The following ABCA7 variants were observed in gnomAD, a reference collection of about 807,000 sequenced individuals.
ABCA7 encodes the protein ATP binding cassette subfamily A member 7, also known as phospholipid-transporting ATPase ABCA7.
ABCA7 carries 261 observed loss-of-function variants against 227.6 expected under a neutral mutation model. The observed-to-expected ratio is 1.15, with a 90% CI of 1.04 to 1.27. The LOEUF (loss-of-function observed/expected upper bound fraction) is 1.27. Among genes scored for constraint, ABCA7 ranks in the 50% most tolerant of loss-of-function variants. The pLI, the probability that ABCA7 is intolerant of heterozygous loss-of-function variation, is 0.00. For missense variants in ABCA7, 3,331 were observed against 2,924.5 expected (o/e 1.14, Z -3.21); for synonymous variants, 1,488 against 1,279.7 (o/e 1.16, Z -3.47).
At chr19:1,064,826 A>C in intron 45 of ABCA7, 105 bp from the exon 46 acceptor site, 4 of 1,424,456 alleles carry the variant, frequency 2.8e-6, no homozygotes, top group Non-Finnish European at 3.7e-6. Context: ...TCGCTAGGGT[A>C]GTACAAGTAT....
chr19:1,045,864 G>A (rs1200125709), intron 12 of ABCA7, among the ~76,000 whole-genome samples: 1 of 152,068 alleles, frequency 6.6e-6, no homozygotes, highest in African/African-American at 2.4e-5. Context: ...AAAATTAGCC[G>A]GGCGTGGTAG....
At chr19:1,044,889 C>G in intron 11 of ABCA7, 113 bp from the exon 12 acceptor site, 1 of 1,483,128 alleles carries the variant, frequency 6.7e-7, no homozygotes, top group Non-Finnish European at 9.1e-7. Context: ...GGGAGCCGGC[C>G]GTGGGCCTAC....
Position 1,058,713 on chromosome 19 carries a change from CT to C in ABCA7, c.5246del (p.Leu1749HisfsTer15). 6.2e-7 allele frequency: 1 copy of C among 1,614,054 alleles called. No homozygotes were observed. The highest frequency in any genetic ancestry group is 8.5e-7 in the Non-Finnish European group (1 of 1,180,016). On this transcript the variant is annotated frameshift_variant, in exon 38 of 47. Coordinates refer to ENST00000263094, the MANE Select transcript of ABCA7 (RefSeq NM_019112.4). LOFTEE classifies it high-confidence loss of function. ...IQGPLFLLFT[L>X]LLQHRSQLLP... is the part of the protein sequence containing the mutation. ...GGGGCCCCTCTTCCTTCTCTTCACA[CT>C]ACTGCTGCAGCACCGAAGCCAACTC...
At chr19:1,050,407 G>C (rs919807409) in intron 18 of ABCA7, among the ~76,000 whole-genome samples, 12 of 142,398 alleles carry the variant, frequency 8.4e-5, no homozygotes, top group Non-Finnish European at 1.9e-4. Context: ...GTGAGACTCT[G>C]TCACAAAAAA....
rs9282560 is a variant in ABCA7, at chr19:1,048,983, C to T, written c.2358C>T (p.Cys786=). Reference sequence around the variant, plus strand: ...GGCCCCCCAAGAGTCCAGCCCCTTGCCCCACCCCGCTGGACCCAAAGGGTG... The same window carrying T: ...GGCCCCCCAAGAGTCCAGCCCCTTGTCCCACCCCGCTGGACCCAAAGGGTG... ...GPRPPKSPAP[C]PTPLDPKVLV... The change falls in exon 17 of 47, where the codon TGC becomes TGT. Residue 786 remains cysteine (C), a synonymous_variant. Coordinates refer to ENST00000263094, the MANE Select transcript of ABCA7 (RefSeq NM_019112.4). 2,340 of 1,600,040 alleles carry T rather than the reference C, an allele frequency of 1.5e-3. 7 individuals carry two copies. The highest frequency in any genetic ancestry group is 0.012 in the Middle Eastern group (69 of 5,696).
intron 10 of ABCA7, 51 bp downstream of exon 10, chr19:1,043,892 A>G: frequency 6.6e-7 from 1 of 1,518,218 alleles, no homozygotes; most frequent in Non-Finnish European, 9.1e-7. Flanking sequence ...TGAGGAGGGT[A>G]GACAGGCCCG....
chr19:1,063,807 G>A lies in ABCA7; in HGVS notation c.5895G>A (p.Trp1965Ter), dbSNP rs1160872410. The A allele has an allele frequency of 6.5e-7, 1 of 1,546,184 alleles. No individual in the cohort carries two copies. The highest frequency in any genetic ancestry group is 1.2e-5 in the South Asian group (1 of 84,146). The part of the protein sequence containing the change: ...GMDPSARRFL[W>*]NSLLAVVREG... ...ACCCCAGCGCGCGGCGCTTCCTTTG[G>A]AACAGCCTTTTGGCCGTGGTGCGGG... The change falls in exon 44 of 47, where the codon TGG becomes TGA. Residue 1965 changes from tryptophan (W) to a stop codon, truncating the protein, a stop_gained. Transcript: ENST00000263094. LOFTEE classifies it high-confidence loss of function.
Position 1,051,244 on chromosome 19 carries a change from A to G in ABCA7, c.2774A>G (p.Gln925Arg). The change falls in exon 20 of 47, where the codon CAG (glutamine) becomes CGG (arginine). Residue 925 changes from glutamine to arginine, a missense_variant. Transcript: ENST00000263094. ...GGCCCCGAGCAGGACCGTCTGCTGC[A>G]GGATGTGGGGCTGGTCTCCAAGCAG... ...VVGPEQDRLL[Q>R]DVGLVSKQSV... 1 of 1,610,022 alleles carries G rather than the reference A, an allele frequency of 6.2e-7. No homozygotes were observed. Among genetic ancestry groups the G allele is most frequent in the East Asian group, 2.2e-5 (1 of 44,886 alleles).
Position 1,051,162 on chromosome 19 carries a change from G to C in ABCA7, c.2692G>C (p.Val898Leu), listed in dbSNP as rs750919439. The change falls in exon 20 of 47, where the codon GTG becomes CTG. Residue 898 changes from valine (V) to leucine (L), a missense_variant. By Grantham distance (32) the Val-to-Leu change is conservative. Transcript: ENST00000263094. ...TCTGTGCACTGGCCGCAGGCTGACCGTGGACGAGCACGTCTGGTTCTATGG... is the reference window on the plus strand; with the variant it reads ...TCTGTGCACTGGCCGCAGGCTGACCCTGGACGAGCACGTCTGGTTCTATGG... The part of the protein sequence containing the change: ...QYNVLFDMLT[V>L]DEHVWFYGRL... 1 of 1,611,052 alleles carries C rather than the reference G, an allele frequency of 6.2e-7. No individual in the cohort carries two copies. The highest frequency in any genetic ancestry group is 8.5e-7 in the Non-Finnish European group (1 of 1,179,902).
chr19:1,046,661 G>A, intron 13 of ABCA7, 141 bp from the exon 14 acceptor site: 1 of 1,140,144 alleles, frequency 8.8e-7, no homozygotes, highest in African/African-American at 1.5e-5. Flanking sequence ...GCCAAAGGCT[G>A]GCTGGATCAG....
chr19:1,043,555 G>A, intron 9 of ABCA7, 82 bp downstream of exon 9: 1 of 1,603,500 alleles, frequency 6.2e-7, no homozygotes, highest in Admixed American at 1.7e-5. Context: ...GCCAGGGCCA[G>A]GCCGGAGGGT....
chr19:1,055,498 TC>T (rs2042169194), intron 30 of ABCA7, 147 bp downstream of exon 30: 84 of 520,300 alleles, frequency 1.6e-4, no homozygotes, highest in Non-Finnish European at 2.2e-4. Flanking sequence ...CTTCCTTTCC[TC>T]TTTTTTTTTT....
At position 1,052,039 on chromosome 19, in the gene ABCA7, C is replaced by G; in HGVS notation, c.3060C>G (p.Gly1020=). The change falls in exon 22 of 47, where the codon GGC becomes GGG. Residue 1020 remains glycine (G), a synonymous_variant. Coordinates refer to ENST00000263094, the MANE Select transcript of ABCA7 (RefSeq NM_019112.4). The part of the protein sequence containing the change: ...VVAGGRLCCC[G]SPLFLRRHLG... ...CAGGTGGCCGCTTGTGCTGCTGTGG[C>G]TCCCCACTCTTCCTGCGCCGTCACC... 6.2e-7 allele frequency: 1 copy of G among 1,612,310 alleles called. No individual in the cohort carries two copies. The highest frequency in any genetic ancestry group is 8.5e-7 in the Non-Finnish European group (1 of 1,179,920).
At position 1,040,977 on chromosome 19, in the gene ABCA7, C is replaced by T. The variant is rs552320457; in HGVS notation, c.-137-248C>T. ...CCAGGCAGGAGGCTGGGGGTCAGGA[C>T]CTGGAAGAGGCTTCCAGGTGAGGCT... On this transcript the variant is annotated intron_variant, in intron 1 of 46. Coordinates refer to ENST00000263094, the MANE Select transcript of ABCA7 (RefSeq NM_019112.4). Among the ~76,000 whole-genome samples the T allele has an allele frequency of 8.7e-4, 133 of 152,188 alleles. 1 individual carries two copies. Among genetic ancestry groups the T allele is most frequent in the African/African-American group, 3.1e-3 (129 of 41,500 alleles).
At chr19:1,046,536 G>A (rs1310344290) in intron 13 of ABCA7, 130 bp downstream of exon 13, 6 of 1,305,982 alleles carry the variant, frequency 4.6e-6, no homozygotes, top group Non-Finnish European at 6.2e-6. Context: ...ACCACTCCAC[G>A]TGACCTGCTG....
chr19:1,042,491 C>T (rs973124893), intron 6 of ABCA7, 94 bp downstream of exon 6: 2 of 1,438,588 alleles, frequency 1.4e-6, no homozygotes, highest in East Asian at 4.7e-5. Context: ...ACCTCCCGTT[C>T]CAGGCATCCA....
In ABCA7 at chr19:1,049,472, C is replaced by CCGA. The variant is rs372218127; in HGVS notation, c.2552+36_2552+37insGAC. The CCGA allele has an allele frequency of 2.7e-5, 21 of 787,060 alleles. 2 individuals are homozygous for CCGA. The East Asian group carries it at 3.6e-4, about 14-fold the overall frequency. 48.8% of individuals were successfully genotyped at this position (787,060 alleles called of 1,614,324 possible). ...CAACCACTCCCTCCCCGTGAGCCCC[C>CCGA]CCACTCCCACCCCGTGAGCCCCCCC... On this transcript the variant is annotated intron_variant, in intron 18 of 46. Transcript: ENST00000263094.
chr19:1,053,182 TGCGCCCGGCC>T, intron 23 of ABCA7, 137 bp from the exon 24 acceptor site: 1 of 799,746 alleles, frequency 1.3e-6, no homozygotes. Flanking sequence ...CGTGAGCCAC[TGCGCCCGGCC>T]GCACCTGGCC....
intron 17 of ABCA7, 93 bp downstream of exon 17, chr19:1,049,098 G>A: frequency 1.0e-6 from 1 of 977,538 alleles, no homozygotes; most frequent in African/African-American, 1.6e-5. Context: ...CAATGACCTG[G>A]ACACCCCAAC....
Sources: gnomAD v4.1 joint callset for allele counts (sites outside exome capture counted in the v4.1 genomes callset) on GRCh38, gnomAD v4.1.1 for gene constraint, MANE v1.5 for transcripts, NCBI Gene and HGNC (gene_info 2026-07-23, HGNC 2026-07-21) for gene names.